SENP7: variants seen among roughly 807,000 people sequenced by gnomAD.
The protein encoded by SENP7 is SUMO specific peptidase 7, also known as sentrin-specific protease 7.
A neutral mutation model predicts 141.2 loss-of-function variants in SENP7; 64 were observed. The ratio of observed to expected loss-of-function variants is 0.45; its 90% CI spans 0.37 to 0.56. The LOEUF (loss-of-function observed/expected upper bound fraction) is 0.56, where lower values mean the gene tolerates loss of function less well. Among genes scored for constraint, SENP7 ranks in the 20% least tolerant of loss-of-function variants. The pLI is 0.00. For synonymous variants in SENP7, 382 were observed against 426.4 expected (o/e 0.90, Z 1.28); for missense variants, 1,025 against 1,212.2 (o/e 0.85, Z 2.29).
chr3:101,367,939 T>C lies in SENP7; in HGVS notation c.869A>G (p.Asp290Gly), dbSNP rs1559727337. Residue 290 changes from aspartate (D) to glycine (G), a missense_variant, in exon 8 of 24, where the codon GAT becomes GGT. By Grantham distance (94) the Asp-to-Gly change is moderately conservative. Around this residue, in one of 4 missense-constraint regions of SENP7, gnomAD observed 496 missense variants for 503.5 expected, o/e 0.99. Transcript: ENST00000394095. ...ESRNKDVKYS[D>G]SKVELTLISR... is the part of the protein sequence containing the mutation. The stretch of plus-strand genomic sequence containing the variant: ...AATCAGAGTGAGTTCCACTTTTGAA[T>C]CAGAATATTTAACATCCTTGTTTCT... 1 of 1,612,992 alleles carries C rather than the reference T, an allele frequency of 6.2e-7. No homozygotes were observed.
At chr3:101,452,390 A>G (rs1471804778) in intron 4 of SENP7, among the ~76,000 whole-genome samples, 1 of 152,352 alleles carries the variant, frequency 6.6e-6, no homozygotes, top group East Asian at 1.9e-4. Flanking sequence ...GAACCAAAAA[A>G]GAGCCCACAT....
intron 1 of SENP7, among the ~76,000 whole-genome samples, chr3:101,510,843 CA>C (rs377579284): frequency 7.1e-4 from 56 of 78,352 alleles, no homozygotes; most frequent in East Asian, 3.6e-3. Flanking sequence ...GACTCCATCT[CA>C]AAAAAAAAAA....
intron 4 of SENP7, 65 bp from the exon 5 acceptor site, chr3:101,417,855 C>A (rs940110772): frequency 1.4e-5 from 17 of 1,250,280 alleles, no homozygotes; most frequent in African/African-American, 3.0e-5. Context: ...GAATTCATCA[C>A]AAACTAATAT....
intron 11 of SENP7, chr3:101,357,954 T>C: frequency 1.5e-6 from 1 of 674,714 alleles, no homozygotes; most frequent in Non-Finnish European, 2.4e-6. Context: ...GGCAAAGCTT[T>C]TAACCACCCC....
intron 3 of SENP7, among the ~76,000 whole-genome samples, chr3:101,473,535 T>C (rs1031212310): frequency 1.6e-4 from 24 of 152,230 alleles, no homozygotes; most frequent in African/African-American, 5.1e-4. Flanking sequence ...TACGTCTTCT[T>C]TGGAAAAGCA....
chr3:101,502,298 T>TTTGTG (rs1247033923), intron 1 of SENP7, among the ~76,000 whole-genome samples: 1 of 152,178 alleles, frequency 6.6e-6, no homozygotes, highest in Non-Finnish European at 1.5e-5. Context: ...AGCATGTTTT[T>TTTGTG]TTGTTTTGTT....
At chr3:101,391,709 GA>G (rs2060821452) in intron 6 of SENP7, among the ~76,000 whole-genome samples, 1 of 152,106 alleles carries the variant, frequency 6.6e-6, no homozygotes, top group Non-Finnish European at 1.5e-5. Context: ...AACAACTTAA[GA>G]GGAGGAAATT....
At chr3:101,414,587 C>T in intron 5 of SENP7, 1 of 1,605,384 alleles carries the variant, frequency 6.2e-7, no homozygotes, top group South Asian at 1.1e-5. Context: ...CTCATCCCAA[C>T]TATGACCAAG....
At chr3:101,490,889 G>A (rs1270355276) in intron 3 of SENP7, among the ~76,000 whole-genome samples, 1 of 152,152 alleles carries the variant, frequency 6.6e-6, no homozygotes, top group Non-Finnish European at 1.5e-5. Context: ...CAAATATGGT[G>A]AACTTTAAGC....
Position 101,444,659 on chromosome 3 carries a change from G to A in SENP7, c.284+14296C>T, listed in dbSNP as rs530976823. On this transcript the variant is annotated intron_variant, in intron 4 of 23. Transcript: ENST00000394095. ...TCGCAAGAACAAAAAACCAAACACC[G>A]TATACTCTCACTCATAGGTGGGAAT... Among the ~76,000 whole-genome samples, 716 of 146,870 alleles carry A rather than the reference G, an allele frequency of 4.9e-3. 6 individuals carry two copies. Among genetic ancestry groups the A allele is most frequent in the African/African-American group, 0.017 (669 of 39,942 alleles).
chr3:101,434,953 C>G (rs2107735315), intron 4 of SENP7, among the ~76,000 whole-genome samples: 1 of 152,014 alleles, frequency 6.6e-6, no homozygotes, highest in East Asian at 1.9e-4. Flanking sequence ...CAAAACCAAA[C>G]AAAGAAACAT....
At chr3:101,412,081 G>T (rs1276242297) in intron 5 of SENP7, among the ~76,000 whole-genome samples, 2 of 152,048 alleles carry the variant, frequency 1.3e-5, no homozygotes, top group African/African-American at 2.4e-5. Flanking sequence ...AAAACTCTGA[G>T]GAACTAGAAA....
intron 4 of SENP7, among the ~76,000 whole-genome samples, chr3:101,436,394 C>G (rs575981228): frequency 6.6e-6 from 1 of 152,240 alleles, no homozygotes; most frequent in South Asian, 2.1e-4. Flanking sequence ...CCCACAAGCA[C>G]AGACAACCAA....
intron 5 of SENP7, among the ~76,000 whole-genome samples, chr3:101,406,172 T>A (rs891835754): frequency 1.3e-5 from 2 of 152,132 alleles, no homozygotes; most frequent in African/African-American, 4.8e-5. Context: ...TAGCAAAGAC[T>A]TGGAACCAAG....
intron 5 of SENP7, among the ~76,000 whole-genome samples, chr3:101,406,599 A>C (rs2107611170): frequency 6.6e-6 from 1 of 152,180 alleles, no homozygotes; most frequent in East Asian, 1.9e-4. Flanking sequence ...AAAGAATAAT[A>C]GGTGTTCCTG....
At chr3:101,421,100 AT>A (rs1247119097) in intron 4 of SENP7, among the ~76,000 whole-genome samples, 3 of 152,170 alleles carry the variant, frequency 2.0e-5, no homozygotes, top group African/African-American at 7.2e-5. Flanking sequence ...TCTTGATAGT[AT>A]ATTATAATTG....
chr3:101,429,386 T>TTC (rs538058479), intron 4 of SENP7, among the ~76,000 whole-genome samples: 197 of 152,308 alleles, frequency 1.3e-3, no homozygotes, highest in African/African-American at 4.5e-3. Context: ...TGGTTTGTAG[T>TTC]TCTCCGTGAA....
chr3:101,468,925 G>A (rs2107952826), intron 3 of SENP7, among the ~76,000 whole-genome samples: 1 of 152,220 alleles, frequency 6.6e-6, no homozygotes, highest in South Asian at 2.1e-4. Context: ...ATTGGATAGA[G>A]TCACTGATGG....
At chr3:101,453,542 AATG>A (rs1241939921) in intron 4 of SENP7, among the ~76,000 whole-genome samples, 1 of 152,216 alleles carries the variant, frequency 6.6e-6, no homozygotes, top group African/African-American at 2.4e-5. Flanking sequence ...AGCCATAAAA[AATG>A]ATGAGTTCAT....
Sources: allele counts gnomAD v4.1 joint callset (sites outside exome capture counted in the v4.1 genomes callset), GRCh38; gene constraint gnomAD v4.1.1; regional missense constraint gnomAD v4.1.1; transcripts MANE v1.5; gene names NCBI Gene and HGNC (gene_info 2026-07-23, HGNC 2026-07-21).